The following PTGER3 variants were observed in gnomAD, a reference collection of about 807,000 sequenced individuals.
PTGER3 encodes prostaglandin E receptor 3.
A neutral mutation model predicts 34.7 loss-of-function variants in PTGER3; 22 were observed. The ratio of observed to expected loss-of-function variants is 0.63; its 90% confidence interval spans 0.45 to 0.91. PTGER3 has a LOEUF of 0.91. Ranked by LOEUF, PTGER3 falls within the 40% of genes least tolerant of loss-of-function variation. PTGER3 has a pLI of 0.00. For synonymous variants in PTGER3, 241 were observed against 230.1 expected (o/e 1.05, Z -0.43); for missense variants, 468 against 519.4 (o/e 0.90, Z 0.96).
At chr1:70,872,412 G>A (rs1646182101) in intron 4 of PTGER3, among the ~76,000 whole-genome samples, 1 of 152,190 alleles carries the variant, frequency 6.6e-6, no homozygotes, top group Non-Finnish European at 1.5e-5. Context: ...TTACTAGAGT[G>A]AGACATTTTT....
intron 4 of PTGER3, among the ~76,000 whole-genome samples, chr1:70,888,794 T>C (rs972040066): frequency 6.6e-6 from 1 of 152,116 alleles, no homozygotes; most frequent in African/African-American, 2.4e-5. Context: ...GCATAAGATG[T>C]AGTTGTGCTG....
chr1:70,970,871 C>G lies in PTGER3; in HGVS notation c.*859G>C, dbSNP rs761737727. The G allele has an allele frequency of 7.3e-6, 7 of 961,704 alleles. No individual in the cohort carries two copies. The highest frequency in any genetic ancestry group is 8.7e-6 in the Non-Finnish European group (7 of 808,640). 59.6% of individuals were successfully genotyped at this position (961,704 alleles called of 1,614,324 possible). A position where few individuals can be genotyped will look rare whatever the true frequency, so the allele number is the denominator to read the frequency against. ...AAACGTAATAAAGTTTGTTATTCAA[C>G]AACTGTTATTTATTAATTTTGCCTT... On this transcript the variant is annotated 3_prime_UTR_variant, in exon 4 of 4. Coordinates refer to ENST00000306666, the MANE Select transcript of PTGER3 (RefSeq NM_198719.2).
chr1:70,971,273 A>G lies in PTGER3; in HGVS notation c.*457T>C, dbSNP rs372288545. On this transcript the variant is annotated 3_prime_UTR_variant, in exon 4 of 4. Coordinates refer to ENST00000306666, the MANE Select transcript of PTGER3 (RefSeq NM_198719.2). The stretch of plus-strand genomic sequence containing the variant: ...TTATATGTCGTTAAGTTCATATCCT[A>G]TTAATTGAATTATCACTCTCAATAT... The G allele has an allele frequency of 2.1e-4, 211 of 985,988 alleles. No individual in the cohort carries two copies. In the African/African-American group the frequency reaches 3.6e-3, roughly 17 times the overall value. The allele number at this position is 985,988 out of a possible 1,614,324, so 61.1% of individuals were successfully genotyped here. A position where few individuals can be genotyped will look rare whatever the true frequency, so the allele number is the denominator to read the frequency against.
At chr1:71,029,615 AGAG>A (rs1183984966) in intron 1 of PTGER3, among the ~76,000 whole-genome samples, 2 of 152,174 alleles carry the variant, frequency 1.3e-5, no homozygotes, top group East Asian at 3.9e-4. Flanking sequence ...TATGGAGTAA[AGAG>A]GAGGGGCACT....
intron 2 of PTGER3, among the ~76,000 whole-genome samples, chr1:70,954,808 T>G (rs59194202): frequency 0.068 from 10,225 of 151,424 alleles, 429 homozygotes; most frequent in Middle Eastern, 0.092. Flanking sequence ...GTTTTCTACA[T>G]TCAACACTAA....
chr1:71,047,155 C>A lies in PTGER3; in HGVS notation c.423G>T (p.Gly141=). The part of the protein sequence containing the change: ...TFFGLTMTVF[G]LSSLFIASAM... ...CGCTGGCGATGAACAACGAGGAGAG[C>A]CCGAAAACAGTCATGGTCAGCCCGA... Residue 141 remains glycine, a synonymous_variant, in exon 1 of 4, where the codon GGG becomes GGT. Transcript: ENST00000306666. 6.2e-7 allele frequency: 1 copy of A among 1,600,834 alleles called. No homozygotes were observed. Among genetic ancestry groups the A allele is most frequent in the South Asian group, 1.1e-5 (1 of 89,860 alleles).
At chr1:70,890,922 T>C (rs995309086) in intron 4 of PTGER3, among the ~76,000 whole-genome samples, 2 of 152,160 alleles carry the variant, frequency 1.3e-5, no homozygotes, top group Admixed American at 1.3e-4. Context: ...GTTTGTTTTG[T>C]TCCTTAAGTA....
intron 1 of PTGER3, among the ~76,000 whole-genome samples, chr1:71,035,147 G>C (rs563229044): frequency 6.6e-6 from 1 of 152,228 alleles, no homozygotes; most frequent in African/African-American, 2.4e-5. Flanking sequence ...TATTAGATGA[G>C]TTGTTTTCCT....
intron 4 of PTGER3, among the ~76,000 whole-genome samples, chr1:70,909,499 A>C (rs1647018521): frequency 6.6e-6 from 1 of 152,208 alleles, no homozygotes; most frequent in Admixed American, 6.5e-5. Context: ...GAAGAGTCTC[A>C]GAAGGCCCCA....
At chr1:70,977,216 T>A (rs1371570863) in intron 2 of PTGER3, among the ~76,000 whole-genome samples, 6 of 152,144 alleles carry the variant, frequency 3.9e-5, no homozygotes, top group Admixed American at 3.9e-4. Context: ...AATGGGCACG[T>A]CACAGACACC....
At chr1:70,947,008 G>A (rs1650284684) in intron 4 of PTGER3, among the ~76,000 whole-genome samples, 1 of 152,096 alleles carries the variant, frequency 6.6e-6, no homozygotes, top group African/African-American at 2.4e-5. Context: ...ATAAACTCAA[G>A]AGTTCCAGGA....
At chr1:71,000,759 G>T (rs1451293041) in intron 2 of PTGER3, among the ~76,000 whole-genome samples, 1 of 152,076 alleles carries the variant, frequency 6.6e-6, no homozygotes, top group East Asian at 1.9e-4. Flanking sequence ...TTCAAAACTT[G>T]ATGAGTTCGT....
At chr1:70,853,198 C>T (rs1557603317) in intron 4 of PTGER3, among the ~76,000 whole-genome samples, 1 of 152,142 alleles carries the variant, frequency 6.6e-6, no homozygotes, top group Non-Finnish European at 1.5e-5. Context: ...CAGAATCTTC[C>T]ATTTGCAGAT....
At chr1:70,938,121 T>C (rs1003567115) in intron 4 of PTGER3, among the ~76,000 whole-genome samples, 16 of 152,272 alleles carry the variant, frequency 1.1e-4, no homozygotes, top group Non-Finnish European at 2.1e-4. Flanking sequence ...GTGGGAGGTG[T>C]CAATGTCAAT....
intron 2 of PTGER3, among the ~76,000 whole-genome samples, chr1:70,989,979 G>T (rs1045173336): frequency 6.6e-6 from 1 of 151,468 alleles, no homozygotes; most frequent in African/African-American, 2.4e-5. Context: ...ATACATACAT[G>T]TATGGATGTG....
At chr1:70,998,481 C>T (rs192242980) in intron 2 of PTGER3, among the ~76,000 whole-genome samples, 1 of 152,222 alleles carries the variant, frequency 6.6e-6, no homozygotes, top group East Asian at 1.9e-4. Context: ...AACCTAGACC[C>T]ACATGATAGA....
chr1:70,972,755 GA>G (rs1653222303), intron 3 of PTGER3, among the ~76,000 whole-genome samples: 1 of 151,678 alleles, frequency 6.6e-6, no homozygotes, highest in African/African-American at 2.4e-5. Context: ...AATAAAATGA[GA>G]ACAAGATTAA....
At chr1:70,914,353 C>T (rs1647128126) in intron 4 of PTGER3, among the ~76,000 whole-genome samples, 1 of 151,816 alleles carries the variant, frequency 6.6e-6, no homozygotes, top group South Asian at 2.1e-4. Flanking sequence ...TCATTTGGCA[C>T]ATTGCTGGAA....
intron 2 of PTGER3, among the ~76,000 whole-genome samples, chr1:70,962,921 C>T (rs950271849): frequency 6.6e-6 from 1 of 152,234 alleles, no homozygotes; most frequent in African/African-American, 2.4e-5. Context: ...AAAGTCTCAT[C>T]TGAGACAAGG....
Sources: gnomAD v4.1 joint callset for allele counts (sites outside exome capture counted in the v4.1 genomes callset) on GRCh38, gnomAD v4.1.1 for gene constraint, MANE v1.5 for transcripts, NCBI Gene and HGNC (gene_info 2026-07-23, HGNC 2026-07-21) for gene names.